Variants in CSGALNACT1 observed in about 807,000 individuals in gnomAD.
The protein encoded by CSGALNACT1 is beta4GalNAcT-1.
In CSGALNACT1, 52 loss-of-function variants were observed where a neutral mutation model predicts 51.0. That is an observed-to-expected ratio of 1.02 (90% CI 0.82 to 1.29). The LOEUF is 1.29. Among genes scored for constraint, CSGALNACT1 ranks in the 50% most tolerant of loss-of-function variants. The probability of loss-of-function intolerance (pLI) is 0.00; values close to 1 mark genes in which losing one functional copy is unlikely to be tolerated. For synonymous variants in CSGALNACT1, 341 were observed against 254.4 expected (o/e 1.34, Z -3.24); for missense variants, 935 against 679.2 (o/e 1.38, Z -4.19).
chr8:19,675,361 C>T (rs2060098687), intron 1 of CSGALNACT1, among the ~76,000 whole-genome samples: 1 of 152,164 alleles, frequency 6.6e-6, no homozygotes, highest in African/African-American at 2.4e-5. Context: ...AGGGTGGGCA[C>T]CAGTCACAGA....
rs550891197 is a variant in CSGALNACT1, at chr8:19,404,789, G to C, written c.*991C>G. Reference sequence around the variant, plus strand: ...GGTTTCTGACTTTTAGGTACATCACGATATCACCAGTCTGAATGAGTTTCC... The same window carrying C: ...GGTTTCTGACTTTTAGGTACATCACCATATCACCAGTCTGAATGAGTTTCC... On this transcript the variant is annotated 3_prime_UTR_variant, in exon 10 of 10. Transcript: ENST00000454498. 3.1e-5 allele frequency: 14 copies of C among 454,490 alleles called. No individual in the cohort carries two copies. In the East Asian group the frequency reaches 9.0e-4, roughly 29 times the overall value. 28.2% of individuals were successfully genotyped at this position (454,490 alleles called of 1,614,324 possible).
At chr8:19,713,340 A>C (rs2062619926) in intron 1 of CSGALNACT1, among the ~76,000 whole-genome samples, 1 of 152,204 alleles carries the variant, frequency 6.6e-6, no homozygotes, top group Admixed American at 6.5e-5. Flanking sequence ...GGCAGGACTC[A>C]AGTGCACTTC....
intron 4 of CSGALNACT1, among the ~76,000 whole-genome samples, chr8:19,495,758 T>C (rs755644590): frequency 6.6e-6 from 1 of 152,192 alleles, no homozygotes; most frequent in African/African-American, 2.4e-5. Flanking sequence ...CTTGGCTTTA[T>C]TTCTGAACCA....
chr8:19,666,125 T>C (rs2059156195), intron 1 of CSGALNACT1, among the ~76,000 whole-genome samples: 1 of 152,226 alleles, frequency 6.6e-6, no homozygotes, highest in Non-Finnish European at 1.5e-5. Flanking sequence ...TTTGTTCCTG[T>C]ACAACACTGG....
At chr8:19,667,000 A>G (rs1286482959) in intron 1 of CSGALNACT1, among the ~76,000 whole-genome samples, 1,914 of 20,424 alleles carry the variant, frequency 0.094, 105 homozygotes, top group Middle Eastern at 0.19. Flanking sequence ...AGAAAGAAAG[A>G]AAGAAAGAAA....
At chr8:19,407,318 T>C (rs958447424) in intron 9 of CSGALNACT1, among the ~76,000 whole-genome samples, 11 of 152,056 alleles carry the variant, frequency 7.2e-5, no homozygotes, top group African/African-American at 2.7e-4. Context: ...TAGCTTTAGG[T>C]CTTGGACCTG....
intron 1 of CSGALNACT1, among the ~76,000 whole-genome samples, chr8:19,660,052 G>A (rs1027534384): frequency 3.3e-5 from 5 of 152,186 alleles, no homozygotes; most frequent in South Asian, 2.1e-4. Context: ...GGAAACTGAC[G>A]CACGGGGAAG....
At chr8:19,601,303 T>C (rs1311081911) in intron 2 of CSGALNACT1, among the ~76,000 whole-genome samples, 1 of 152,224 alleles carries the variant, frequency 6.6e-6, no homozygotes, top group Non-Finnish European at 1.5e-5. Context: ...CATTCTTCAA[T>C]TTCCAAAACC....
intron 3 of CSGALNACT1, among the ~76,000 whole-genome samples, chr8:19,542,434 T>C (rs183056013): frequency 1.2e-3 from 178 of 152,242 alleles, no homozygotes; most frequent in African/African-American, 4.1e-3. Context: ...AGAGGCTCCA[T>C]AGTGGGGTTC....
rs1373194505 is a variant in CSGALNACT1 at position 19,674,720 on chromosome 8, G to A, written c.-544+7753C>T. On this transcript the variant is annotated intron_variant, in intron 1 of 9. Coordinates refer to the CSGALNACT1 transcript ENST00000332246. ...CTTACCGTGAGGTGAAGAATAGACT[G>A]AAGGGAAATAATTGGGAGCAGGGAG... Among the ~76,000 whole-genome samples, 4 of 152,194 alleles carry A rather than the reference G, an allele frequency of 2.6e-5. No homozygotes were observed. In the South Asian group the frequency reaches 6.2e-4, roughly 24 times the overall value.
chr8:19,520,915 C>G (rs1192228813), intron 3 of CSGALNACT1, among the ~76,000 whole-genome samples: 1 of 152,208 alleles, frequency 6.6e-6, no homozygotes, highest in Non-Finnish European at 1.5e-5. Context: ...TGTCTGTGCT[C>G]TTAAGCACCA....
intron 1 of CSGALNACT1, among the ~76,000 whole-genome samples, chr8:19,610,289 C>CAAAAAAA (rs58262538): frequency 0.019 from 912 of 47,612 alleles, 91 homozygotes; most frequent in African/African-American, 0.07. Context: ...GACTCCGTCT[C>CAAAAAAA]AAAAAAAAAA....
At chr8:19,610,315 A>G (rs1177155899) in intron 1 of CSGALNACT1, among the ~76,000 whole-genome samples, 2 of 149,252 alleles carry the variant, frequency 1.3e-5, no homozygotes, top group African/African-American at 4.9e-5. Flanking sequence ...AAAAAAAGAT[A>G]CAGAAGAGGG....
At chr8:19,500,827 A>G (rs1249576585) in intron 4 of CSGALNACT1, among the ~76,000 whole-genome samples, 2 of 152,212 alleles carry the variant, frequency 1.3e-5, no homozygotes, top group East Asian at 1.9e-4. Context: ...TTTACAAAGA[A>G]CAGAAATTTA....
intron 1 of CSGALNACT1, among the ~76,000 whole-genome samples, chr8:19,724,778 G>C (rs2066307724): frequency 6.6e-6 from 1 of 152,228 alleles, no homozygotes; most frequent in African/African-American, 2.4e-5. Context: ...ACAGCCTTGT[G>C]GGTTTCATGC....
At chr8:19,579,536 A>G (rs1353919854) in intron 3 of CSGALNACT1, among the ~76,000 whole-genome samples, 1 of 152,222 alleles carries the variant, frequency 6.6e-6, no homozygotes, top group Non-Finnish European at 1.5e-5. Flanking sequence ...ATGTAATTAT[A>G]TAAAAATGTA....
At chr8:19,475,730 A>G (rs2069430717) in intron 4 of CSGALNACT1, among the ~76,000 whole-genome samples, 1 of 152,204 alleles carries the variant, frequency 6.6e-6, no homozygotes, top group African/African-American at 2.4e-5. Context: ...TCACAGAATA[A>G]TCTGCTCAGA....
intron 1 of CSGALNACT1, among the ~76,000 whole-genome samples, chr8:19,741,554 C>T (rs1050970657): frequency 6.2e-5 from 6 of 97,454 alleles, no homozygotes; most frequent in African/African-American, 2.8e-4. Context: ...AAGAGTGAGA[C>T]TCCATCAAAA....
chr8:19,518,828 C>A (rs1212801165), intron 3 of CSGALNACT1, among the ~76,000 whole-genome samples: 1 of 152,164 alleles, frequency 6.6e-6, no homozygotes, highest in Non-Finnish European at 1.5e-5. Context: ...AGCCACAAGG[C>A]ACGATCAGAG....
Sources: gnomAD v4.1 joint callset for allele counts (sites outside exome capture counted in the v4.1 genomes callset) on GRCh38, gnomAD v4.1.1 for gene constraint, MANE v1.5 for transcripts, NCBI Gene and HGNC (gene_info 2026-07-23, HGNC 2026-07-21) for gene names.